The following FBLN7 variants were observed in gnomAD, a reference collection of about 807,000 sequenced individuals.
FBLN7 encodes the protein fibulin-7.
Under a neutral mutation model 44.0 loss-of-function variants are expected in FBLN7, and 31 were observed. The observed-to-expected ratio is 0.70, with a 90% CI of 0.53 to 0.95. FBLN7 has a LOEUF of 0.95. Ranked by LOEUF, FBLN7 falls within the 40% of genes least tolerant of loss-of-function variation. FBLN7 has a pLI of 0.00. For missense variants in FBLN7, 573 were observed against 618.5 expected (o/e 0.93, Z 0.78); for synonymous variants, 262 against 253.4 (o/e 1.03, Z -0.32).
At position 112,187,707 on chromosome 2, in the gene FBLN7, CTTT is replaced by C. The variant is rs3215304; in HGVS notation, c.*210_*212del. The C allele has an allele frequency of 6.1e-6, 3 of 491,724 alleles. No individual in the cohort carries two copies. The highest frequency in any genetic ancestry group is 1.0e-5 in the Non-Finnish European group (3 of 288,398). 30.5% of individuals were successfully genotyped at this position (491,724 alleles called of 1,614,324 possible). A position where few individuals can be genotyped will look rare whatever the true frequency, so the allele number is the denominator to read the frequency against. On this transcript the variant is annotated 3_prime_UTR_variant, in exon 8 of 8. Coordinates refer to ENST00000331203, the MANE Select transcript of FBLN7 (RefSeq NM_153214.3). The surrounding 1 kb of genome is among the most constrained non-coding windows in gnomAD (Gnocchi z 5.1). The stretch of plus-strand genomic sequence containing the variant: ...ACAAAACTCAACTGCTGCCATCACT[CTTT>C]TTTTTTTTCTGCTTTGAGGCCCTTC...
chr2:112,170,725 G>T (rs550867645), intron 3 of FBLN7, among the ~76,000 whole-genome samples: 8 of 152,350 alleles, frequency 5.3e-5, no homozygotes, highest in African/African-American at 1.9e-4. Context: ...GGCCATGCAG[G>T]TGGTGGGATT....
intron 7 of FBLN7, among the ~76,000 whole-genome samples, chr2:112,185,674 A>G (rs1558898274): frequency 6.6e-6 from 1 of 152,098 alleles, no homozygotes; most frequent in Non-Finnish European, 1.5e-5. Context: ...TACCCTGATA[A>G]ACCCATAGCA....
chr2:112,159,819 C>T lies in FBLN7; in HGVS notation c.219C>T (p.Gly73=), dbSNP rs575543297. 2.6e-6 allele frequency: 4 copies of T among 1,560,216 alleles called. No individual in the cohort carries two copies. Among genetic ancestry groups the T allele is most frequent in the South Asian group, 1.2e-5 (1 of 85,388 alleles). Residue 73 remains glycine (G), a synonymous_variant, in exon 2 of 8, where the codon GGC becomes GGT. Coordinates refer to ENST00000331203, the MANE Select transcript of FBLN7 (RefSeq NM_153214.3). ...TGCAGAACTCTGTGGGCAGGGTGGG[C>T]CCAGATGCCCTTCCAGGTGGGTCCC... The part of the protein sequence containing the change: ...AALQNSVGRV[G]PDALPVSCPA...
chr2:112,150,632 G>C (rs1220944632), intron 1 of FBLN7, among the ~76,000 whole-genome samples: 2 of 152,180 alleles, frequency 1.3e-5, no homozygotes, highest in Admixed American at 1.3e-4. Flanking sequence ...AAGACTCCCA[G>C]GCCTGGCTTG....
chr2:112,182,737 T>G, intron 5 of FBLN7, 54 bp from the exon 6 acceptor site: 1 of 1,536,668 alleles, frequency 6.5e-7, no homozygotes, highest in Non-Finnish European at 8.8e-7. Flanking sequence ...GGGTCACAGC[T>G]GGCAACACTT....
chr2:112,158,306 G>A (rs960371767), intron 1 of FBLN7, among the ~76,000 whole-genome samples: 3 of 152,152 alleles, frequency 2.0e-5, no homozygotes, highest in Admixed American at 6.5e-5. Flanking sequence ...GTGCAGTGAT[G>A]TGATTGCAGC....
intron 1 of FBLN7, among the ~76,000 whole-genome samples, chr2:112,142,768 TTG>T (rs60060928): frequency 2.0e-3 from 306 of 151,438 alleles, no homozygotes; most frequent in African/African-American, 7.2e-3. Flanking sequence ...ATGTGTGTGT[TTG>T]TGTGTGTGTG....
the FBLN7 span, chr2:112,211,837 G>C: frequency 6.6e-6 from 1 of 151,968 alleles, no homozygotes; most frequent in Non-Finnish European, 1.5e-5. Context: ...AATTTCACAG[G>C]AATCAACAGC....
At chr2:112,160,734 ACACGCACACACGCGCACGCACACACG>A (rs1255491516) in intron 2 of FBLN7, among the ~76,000 whole-genome samples, 5 of 93,846 alleles carry the variant, frequency 5.3e-5, no homozygotes, top group Non-Finnish European at 9.1e-5. Flanking sequence ...ACACGCACGC[ACACGCACACACGCGCACGCACACACG>A]CACGCACACG....
the FBLN7 span, among the ~76,000 whole-genome samples, chr2:112,221,737 T>C: frequency 6.6e-6 from 1 of 152,112 alleles, no homozygotes; most frequent in Non-Finnish European, 1.5e-5. Context: ...TTTCTTATAA[T>C]GGTCATTTGG....
At chr2:112,149,331 GC>G (rs938235985) in intron 1 of FBLN7, among the ~76,000 whole-genome samples, 6 of 152,206 alleles carry the variant, frequency 3.9e-5, no homozygotes, top group African/African-American at 1.4e-4. Flanking sequence ...GGTTTCTTGG[GC>G]TAGCCTGGAG....
At chr2:112,218,307 T>A in the FBLN7 span, among the ~76,000 whole-genome samples, 2 of 152,258 alleles carry the variant, frequency 1.3e-5, no homozygotes, top group South Asian at 4.1e-4. Flanking sequence ...AAGGGAACTC[T>A]ACTCAAGGTT....
rs565354664 is a variant in FBLN7, at chr2:112,180,562, G to C, written c.533-1177G>C. The stretch of plus-strand genomic sequence containing the variant: ...GCACTCGAATATTTGTTGCAGCACT[G>C]TTCACAATAGCAAAGACATGGAACC... On this transcript the variant is annotated intron_variant, in intron 4 of 7. Transcript: ENST00000331203. Among the ~76,000 whole-genome samples the C allele has an allele frequency of 3.3e-5, 5 of 152,268 alleles. No homozygotes were observed. The East Asian group carries it at 9.7e-4, about 29-fold the overall frequency.
At chr2:112,203,773 A>C in the FBLN7 span, among the ~76,000 whole-genome samples, 1 of 152,230 alleles carries the variant, frequency 6.6e-6, no homozygotes, top group Admixed American at 6.5e-5. Context: ...GGCAGGAGGC[A>C]AAAGGCACTT....
chr2:112,168,541 A>T (rs1489440475), intron 3 of FBLN7, among the ~76,000 whole-genome samples: 1 of 152,174 alleles, frequency 6.6e-6, no homozygotes, highest in East Asian at 1.9e-4. Context: ...AATTGATGTG[A>T]TTCATGGTTG....
chr2:112,160,756 A>G (rs1481090856), intron 2 of FBLN7, among the ~76,000 whole-genome samples: 42 of 85,612 alleles, frequency 4.9e-4, no homozygotes, highest in Non-Finnish European at 7.1e-4. Flanking sequence ...GCGCACGCAC[A>G]CACGCACGCA....
intron 3 of FBLN7, among the ~76,000 whole-genome samples, chr2:112,172,632 T>C (rs1367333948): frequency 5.2e-5 from 7 of 133,810 alleles, no homozygotes; most frequent in South Asian, 2.6e-4. Flanking sequence ...TCTTTCTTTT[T>C]TTTTTTTTTT....
chr2:112,169,706 G>T (rs891331093), intron 3 of FBLN7, among the ~76,000 whole-genome samples: 9 of 152,160 alleles, frequency 5.9e-5, no homozygotes, highest in Admixed American at 2.0e-4. Context: ...CTGGCCTCTG[G>T]GGTGCACAGG....
the FBLN7 span, chr2:112,213,536 GGAGGCC>G: frequency 1.2e-3 from 185 of 151,934 alleles, no homozygotes; most frequent in African/African-American, 4.3e-3. Flanking sequence ...CAGCACTTTG[GGAGGCC>G]GAGGTGGGTG....
Sources: gnomAD v4.1 joint callset for allele counts (sites outside exome capture counted in the v4.1 genomes callset) on GRCh38, gnomAD v4.1.1 for gene constraint, Gnocchi (gnomAD v3.1) non-coding constraint, MANE v1.5 for transcripts, NCBI Gene and HGNC (gene_info 2026-07-23, HGNC 2026-07-21) for gene names.